Variants in PAPPA observed in about 807,000 individuals in gnomAD.
PAPPA encodes pappalysin-1.
Under a neutral mutation model 164.0 loss-of-function variants are expected in PAPPA, and 60 were observed. The observed-to-expected ratio is 0.37, with a 90% CI of 0.30 to 0.45. The LOEUF (loss-of-function observed/expected upper bound fraction) is 0.45, where lower values mean the gene tolerates loss of function less well. Among genes scored for constraint, PAPPA ranks in the 20% least tolerant of loss-of-function variants. PAPPA has a pLI of 1.00. For synonymous variants in PAPPA, 875 were observed against 814.1 expected, an observed-to-expected ratio of 1.07 and a Z score of -1.27; for missense variants, 1,782 against 2,087.3, an observed-to-expected ratio of 0.85 and a Z score of 2.85.
chr9:116,221,309 G>A (rs1046632195), intron 5 of PAPPA, among the ~76,000 whole-genome samples: 3 of 152,150 alleles, frequency 2.0e-5, no homozygotes, highest in African/African-American at 7.2e-5. Context: ...GAAGATTAAT[G>A]TATTACCTCT....
At chr9:116,295,094 T>C (rs1845485145) in intron 9 of PAPPA, among the ~76,000 whole-genome samples, 1 of 152,196 alleles carries the variant, frequency 6.6e-6, no homozygotes. Flanking sequence ...TGGTTTTCTT[T>C]TTGGCTCATC....
intron 9 of PAPPA, chr9:116,288,491 C>A (rs1845372653): frequency 7.4e-6 from 1 of 135,516 alleles, no homozygotes; most frequent in African/African-American, 2.8e-5. Flanking sequence ...GCCTCCCTTT[C>A]TTCCTTCTCT....
intron 5 of PAPPA, 43 bp from the exon 6 acceptor site, chr9:116,227,388 G>A: frequency 6.2e-7 from 1 of 1,611,342 alleles, no homozygotes; most frequent in Non-Finnish European, 8.5e-7. Flanking sequence ...TCATTCAACT[G>A]TTCCTAAGTC....
intron 21 of PAPPA, among the ~76,000 whole-genome samples, chr9:116,391,616 T>G (rs1846894510): frequency 6.6e-6 from 1 of 152,224 alleles, no homozygotes; most frequent in Non-Finnish European, 1.5e-5. Flanking sequence ...GATGGAGGTG[T>G]TAGCCTCAGC....
chr9:116,319,946 CT>C (rs1845833573), intron 10 of PAPPA, among the ~76,000 whole-genome samples: 2 of 152,180 alleles, frequency 1.3e-5, no homozygotes, highest in South Asian at 4.1e-4. Context: ...TCTTAGGCCT[CT>C]AACATAAGCT....
rs1048327720 is a variant in PAPPA, at chr9:116,396,935, G to A, written c.*319G>A. On this transcript the variant is annotated 3_prime_UTR_variant, in exon 22 of 22. Coordinates refer to ENST00000328252, the MANE Select transcript of PAPPA (RefSeq NM_002581.5). The stretch of plus-strand genomic sequence containing the variant: ...AAGAAACGTGTTCTATATCTAGAGT[G>A]TGCCCATCTGTGTTTAGTACACATG... 2.8e-6 allele frequency: 1 copy of A among 351,574 alleles called. No homozygotes were observed. The highest frequency in any genetic ancestry group is 5.3e-6 in the Non-Finnish European group (1 of 189,914). The allele number at this position is 351,574 out of a possible 1,614,324, so 21.8% of individuals were successfully genotyped here.
chr9:116,207,296 A>G (rs1323771291), intron 2 of PAPPA, among the ~76,000 whole-genome samples, 160 bp from the exon 3 acceptor site: 1 of 152,186 alleles, frequency 6.6e-6, no homozygotes, highest in Non-Finnish European at 1.5e-5. Flanking sequence ...TGTAAAATGG[A>G]ATCATCTTAC....
In PAPPA at chr9:116,362,756, A is replaced by G; in HGVS notation, c.4495+17A>G. 2.5e-6 allele frequency: 4 copies of G among 1,608,416 alleles called. No homozygotes were observed. The highest frequency in any genetic ancestry group is 3.4e-6 in the Non-Finnish European group (4 of 1,176,852). Reference sequence around the variant, plus strand: ...ATGCCATAGGTATGATGGGCCCGAGAGGGGAGCAGTAGGAGGGGCAATTCC... The same window carrying G: ...ATGCCATAGGTATGATGGGCCCGAGGGGGGAGCAGTAGGAGGGGCAATTCC... On this transcript the variant is annotated intron_variant, in intron 18 of 21. Transcript: ENST00000328252.
intron 7 of PAPPA, among the ~76,000 whole-genome samples, chr9:116,265,230 T>C (rs991915571): frequency 6.6e-6 from 1 of 152,184 alleles, no homozygotes; most frequent in Non-Finnish European, 1.5e-5. Flanking sequence ...GTTTTGTTTC[T>C]CAAATAAGAA....
intron 21 of PAPPA, among the ~76,000 whole-genome samples, chr9:116,389,192 G>T (rs1445762752): frequency 3.3e-5 from 5 of 150,500 alleles, no homozygotes; most frequent in African/African-American, 1.2e-4. Flanking sequence ...GAGTGCAGTG[G>T]CATAATCTTG....
chr9:116,297,864 A>T (rs1018237743), intron 9 of PAPPA, among the ~76,000 whole-genome samples: 2 of 152,188 alleles, frequency 1.3e-5, no homozygotes, highest in African/African-American at 2.4e-5. Flanking sequence ...TTCCCATCTC[A>T]GTCTGTTATG....
At chr9:116,203,558 A>T (rs529747465) in intron 2 of PAPPA, among the ~76,000 whole-genome samples, 1 of 152,270 alleles carries the variant, frequency 6.6e-6, no homozygotes, top group Non-Finnish European at 1.5e-5. Context: ...TCATTTTCAG[A>T]TAGAGGTGAT....
rs1175532462 is a variant in PAPPA, at chr9:116,396,426, G to A, written c.4777-83G>A. The A allele has an allele frequency of 9.3e-6, 7 of 754,090 alleles. No individual in the cohort carries two copies. In the African/African-American group the frequency reaches 1.0e-4, roughly 11 times the overall value. 46.7% of individuals were successfully genotyped at this position (754,090 alleles called of 1,614,324 possible). The stretch of plus-strand genomic sequence containing the variant: ...TTGAACCTTCTGCTCCTCAAATCCA[G>A]TGATTGTATCCCTGCGCTGCACTGC... On this transcript the variant is annotated intron_variant, in intron 21 of 21. Coordinates refer to ENST00000328252, the MANE Select transcript of PAPPA (RefSeq NM_002581.5).
chr9:116,305,471 T>TCACA (rs56326167), intron 10 of PAPPA, among the ~76,000 whole-genome samples: 7 of 142,154 alleles, frequency 4.9e-5, no homozygotes, highest in Non-Finnish European at 9.4e-5. Flanking sequence ...TCTCTCTCTC[T>TCACA]CACACACACA....
chr9:116,368,380 T>C lies in PAPPA; in HGVS notation c.4605+626T>C, dbSNP rs1170039325. On this transcript the variant is annotated intron_variant, in intron 19 of 21. Coordinates refer to ENST00000328252, the MANE Select transcript of PAPPA (RefSeq NM_002581.5). ...AGGGTCATTGTCTGCATTTTCCAGTTGTGGACACTGAAATCTCGGAAGTGA... is the reference window on the plus strand; with the variant it reads ...AGGGTCATTGTCTGCATTTTCCAGTCGTGGACACTGAAATCTCGGAAGTGA... Among the ~76,000 whole-genome samples the C allele has an allele frequency of 2.0e-5, 3 of 152,216 alleles. No individual in the cohort carries two copies. The East Asian group carries it at 5.8e-4, about 29-fold the overall frequency.
intron 3 of PAPPA, 122 bp from the exon 4 acceptor site, chr9:116,211,517 C>G: frequency 1.3e-6 from 1 of 775,896 alleles, no homozygotes; most frequent in Non-Finnish European, 2.1e-6. Flanking sequence ...CAATGGAGTC[C>G]TAGGGTGGAG....
At chr9:116,345,919 G>C (rs1288530458) in intron 14 of PAPPA, among the ~76,000 whole-genome samples, 1 of 152,132 alleles carries the variant, frequency 6.6e-6, no homozygotes, top group Non-Finnish European at 1.5e-5. Context: ...GCTGGTCAGT[G>C]GACTTTGCCT....
chr9:116,260,443 T>C (rs1017524240), intron 7 of PAPPA, among the ~76,000 whole-genome samples: 6 of 152,204 alleles, frequency 3.9e-5, no homozygotes, highest in African/African-American at 1.4e-4. Context: ...TGGAGGGTTA[T>C]ATACAAAGTG....
At chr9:116,316,591 TG>T (rs1406840156) in intron 10 of PAPPA, 1 of 152,234 alleles carries the variant, frequency 6.6e-6, no homozygotes, top group Non-Finnish European at 1.5e-5. Context: ...CCATTGCACC[TG>T]TGGTGGACAA....
Sources: gnomAD v4.1 joint callset for allele counts (sites outside exome capture counted in the v4.1 genomes callset) on GRCh38, gnomAD v4.1.1 for gene constraint, MANE v1.5 for transcripts, NCBI Gene and HGNC (gene_info 2026-07-23, HGNC 2026-07-21) for gene names.